Variants in DLGAP2 observed in about 807,000 individuals in gnomAD.
DLGAP2 encodes DLG associated protein 2, also known as disks large-associated protein 2.
In DLGAP2, 26 loss-of-function variants were observed where a neutral mutation model predicts 100.3. The observed-to-expected ratio is 0.26, with a 90% CI of 0.19 to 0.36. The LOEUF (loss-of-function observed/expected upper bound fraction) is 0.36. Among genes scored for constraint, DLGAP2 ranks in the 10% least tolerant of loss-of-function variants. The probability of loss-of-function intolerance (pLI) is 1.00; values close to 1 mark genes in which losing one functional copy is unlikely to be tolerated. For missense variants in DLGAP2, 1,858 were observed against 1,453.2 expected, an observed-to-expected ratio of 1.28 and a Z score of -4.53; for synonymous variants, 886 against 630.1, an observed-to-expected ratio of 1.41 and a Z score of -6.08.
rs368454454 is a variant in DLGAP2, at chr8:1,368,576, G to T, written c.106+109693G>T. 9.2e-5 allele frequency: 14 copies of T among 152,260 alleles called. No individual in the cohort carries two copies. The East Asian group carries it at 1.3e-3, about 15-fold the overall frequency. The allele number at this position is 152,260 out of a possible 1,614,324, so 9.4% of individuals were successfully genotyped here. A position where few individuals can be genotyped will look rare whatever the true frequency, so the allele number is the denominator to read the frequency against. On this transcript the variant is annotated intron_variant, in intron 3 of 14. Coordinates refer to ENST00000637795, the MANE Select transcript of DLGAP2 (RefSeq NM_001346810.2). Reference sequence around the variant, plus strand: ...CATTTATTAAACATGGGCCTATTTGGGGAGGATTAATAATTAAAAATGGAT... The same window carrying T: ...CATTTATTAAACATGGGCCTATTTGTGGAGGATTAATAATTAAAAATGGAT...
chr8:1,466,019 A>T (rs1216570503), intron 3 of DLGAP2, among the ~76,000 whole-genome samples: 16 of 152,196 alleles, frequency 1.1e-4, no homozygotes, highest in Non-Finnish European at 2.4e-4. Flanking sequence ...GGGAGTCATG[A>T]GGCGGGCACC....
chr8:1,092,092 T>G (rs1804203371), intron 2 of DLGAP2, among the ~76,000 whole-genome samples: 1 of 152,202 alleles, frequency 6.6e-6, no homozygotes, highest in Admixed American at 6.5e-5. Context: ...TCTCCATGTT[T>G]TGGGGACTCT....
At chr8:995,902 G>T (rs761908578) in intron 2 of DLGAP2, among the ~76,000 whole-genome samples, 1 of 152,124 alleles carries the variant, frequency 6.6e-6, no homozygotes, top group Non-Finnish European at 1.5e-5. Context: ...GGAAGCAGGA[G>T]ACTAAAGAAA....
rs537922742 is a variant in DLGAP2, at chr8:945,359, G to A, written c.73+37393G>A. ...CAGAATCAGGTCATTGGCCTATGGA[G>A]AAAGAGTGAGTTTCTAGACCCCTTT... On this transcript the variant is annotated intron_variant, in intron 2 of 14. Transcript: ENST00000637795. Among the ~76,000 whole-genome samples, 6 of 152,316 alleles carry A rather than the reference G, an allele frequency of 3.9e-5. No homozygotes were observed. The East Asian group carries it at 9.6e-4, about 24-fold the overall frequency.
intron 1 of DLGAP2, among the ~76,000 whole-genome samples, chr8:756,669 T>C (rs1820928808): frequency 6.6e-6 from 1 of 152,130 alleles, no homozygotes; most frequent in African/African-American, 2.4e-5. Context: ...TCAGCTTTCA[T>C]AGATGCGGAA....
At chr8:1,203,876 G>A (rs4735994) in intron 2 of DLGAP2, among the ~76,000 whole-genome samples, 29,913 of 152,092 alleles carry the variant, frequency 0.2, 3,153 homozygotes, top group East Asian at 0.38. Context: ...CATTTAGGGA[G>A]GAGTAGGAAG....
At chr8:983,183 C>T (rs932199327) in intron 2 of DLGAP2, among the ~76,000 whole-genome samples, 2 of 152,184 alleles carry the variant, frequency 1.3e-5, no homozygotes, top group African/African-American at 4.8e-5. Context: ...ACTGATGGAC[C>T]TTTAAATATG....
At chr8:1,115,448 C>T (rs1028632009) in intron 2 of DLGAP2, among the ~76,000 whole-genome samples, 1 of 152,128 alleles carries the variant, frequency 6.6e-6, no homozygotes, top group Non-Finnish European at 1.5e-5. Flanking sequence ...GTTTCTTAAC[C>T]ACGGGGAATA....
At chr8:1,518,541 A>G (rs1390771599) in intron 4 of DLGAP2, among the ~76,000 whole-genome samples, 1 of 152,156 alleles carries the variant, frequency 6.6e-6, no homozygotes, top group African/African-American at 2.4e-5. Context: ...CAGTTTTTAG[A>G]TGAAGAAATT....
chr8:883,965 T>C (rs1157590422), intron 1 of DLGAP2, among the ~76,000 whole-genome samples: 1 of 152,254 alleles, frequency 6.6e-6, no homozygotes, highest in Non-Finnish European at 1.5e-5. Context: ...GAAAAGGACA[T>C]GATCTCTTTG....
At chr8:1,381,690 T>C (rs1796097764) in intron 3 of DLGAP2, among the ~76,000 whole-genome samples, 1 of 152,166 alleles carries the variant, frequency 6.6e-6, no homozygotes, top group African/African-American at 2.4e-5. Context: ...TTTCTGTGCC[T>C]GGCCTATTTC....
At chr8:1,666,613 G>A (rs1374000736) in intron 8 of DLGAP2, among the ~76,000 whole-genome samples, 1 of 151,894 alleles carries the variant, frequency 6.6e-6, no homozygotes, top group Non-Finnish European at 1.5e-5. Flanking sequence ...ACAGGAGGCA[G>A]AGGCTGCAGT....
intron 9 of DLGAP2, among the ~76,000 whole-genome samples, chr8:1,669,111 C>T (rs73672916): frequency 0.19 from 28,249 of 152,160 alleles, 3,421 homozygotes; most frequent in East Asian, 0.43. Context: ...CCAAAAGGTG[C>T]TGGGAATGAA....
chr8:1,237,271 T>A (rs1233460179), intron 2 of DLGAP2, among the ~76,000 whole-genome samples: 1 of 139,720 alleles, frequency 7.2e-6, no homozygotes, highest in Non-Finnish European at 1.5e-5. Flanking sequence ...TATGTCTAGA[T>A]CTCTCTCACA....
intron 12 of DLGAP2, among the ~76,000 whole-genome samples, chr8:1,680,330 G>A (rs1798914330): frequency 6.6e-6 from 1 of 152,202 alleles, no homozygotes; most frequent in South Asian, 2.1e-4. Flanking sequence ...ACTAATCCTA[G>A]AAATAGAAGT....
chr8:1,273,980 T>C (rs1427414906), intron 3 of DLGAP2, among the ~76,000 whole-genome samples: 1 of 152,196 alleles, frequency 6.6e-6, no homozygotes, highest in Non-Finnish European at 1.5e-5. Flanking sequence ...GTTCCAAACC[T>C]GAGTCATTCA....
chr8:978,850 C>T (rs1800246254), intron 2 of DLGAP2, among the ~76,000 whole-genome samples: 1 of 152,116 alleles, frequency 6.6e-6, no homozygotes, highest in Non-Finnish European at 1.5e-5. Context: ...TACACATTCC[C>T]AGTTAAAAAT....
chr8:1,624,898 G>C (rs888220195), intron 6 of DLGAP2, among the ~76,000 whole-genome samples: 19 of 119,440 alleles, frequency 1.6e-4, no homozygotes, highest in Admixed American at 3.3e-4. Context: ...TCCTTTTTTT[G>C]GTCTAAGTCA....
At chr8:1,189,466 C>T (rs1310943258) in intron 2 of DLGAP2, among the ~76,000 whole-genome samples, 2 of 152,136 alleles carry the variant, frequency 1.3e-5, no homozygotes, top group Non-Finnish European at 2.9e-5. Flanking sequence ...ACGTTTAAAC[C>T]AGACCTTCTT....
Sources: gnomAD v4.1 joint callset for allele counts (sites outside exome capture counted in the v4.1 genomes callset) on GRCh38, gnomAD v4.1.1 for gene constraint, MANE v1.5 for transcripts, NCBI Gene and HGNC (gene_info 2026-07-23, HGNC 2026-07-21) for gene names.